ABCC3: variants seen among roughly 807,000 people sequenced by gnomAD.
The protein encoded by ABCC3 is ATP-binding cassette sub-family C member 3.
ABCC3 carries 121 observed loss-of-function variants against 165.3 expected under a neutral mutation model. The ratio of observed to expected loss-of-function variants is 0.73; its 90% CI spans 0.63 to 0.85. The LOEUF (loss-of-function observed/expected upper bound fraction) is 0.85. Among genes scored for constraint, ABCC3 ranks in the 40% least tolerant of loss-of-function variants. The pLI, the probability that ABCC3 is intolerant of heterozygous loss-of-function variation, is 0.00. For missense variants in ABCC3, 1,869 were observed against 1,964.1 expected (o/e 0.95, Z 0.92); for synonymous variants, 733 against 810.1 (o/e 0.90, Z 1.62).
At chr17:50,655,708 C>A in intron 1 of ABCC3, 124 bp from the exon 2 acceptor site, 1 of 839,646 alleles carries the variant, frequency 1.2e-6, no homozygotes, top group Non-Finnish European at 1.9e-6. Flanking sequence ...CTCTCTCCTC[C>A]TCACCTGTCT....
intron 19 of ABCC3, among the ~76,000 whole-genome samples, chr17:50,675,021 A>G (rs1967769862): frequency 2.0e-5 from 3 of 151,830 alleles, no homozygotes; most frequent in Admixed American, 2.0e-4. Context: ...GCTGGTCTCG[A>G]TCTCCTGACC....
In ABCC3 at chr17:50,675,462, G is replaced by A. The variant is rs746834194; in HGVS notation, c.2700G>A (p.Gln900=). 5 of 1,613,590 alleles carry A rather than the reference G, an allele frequency of 3.1e-6. No homozygotes were observed. In the South Asian group the frequency reaches 5.5e-5, roughly 18 times the overall value. The stretch of plus-strand genomic sequence containing the variant: ...ATGATCCAGTCACCTATGTGGTCCA[G>A]AAGCAGTTTATGAGGTGAGTTCCTG... ...TDNDPVTYVV[Q]KQFMRQLSAL... is the part of the protein sequence containing the mutation. Residue 900 remains glutamine (Q), a synonymous_variant, in exon 20 of 31, where the codon CAG becomes CAA. Transcript: ENST00000285238.
intron 1 of ABCC3, among the ~76,000 whole-genome samples, chr17:50,650,708 A>T (rs954491068): frequency 2.6e-5 from 4 of 152,004 alleles, no homozygotes; most frequent in Admixed American, 2.6e-4. Flanking sequence ...CCTTCCTTGT[A>T]TATTTTCATA....
chr17:50,673,095 T>A lies in ABCC3; in HGVS notation c.2366T>A (p.Ile789Asn), dbSNP rs1034006668. The A allele has an allele frequency of 1.2e-6, 2 of 1,614,072 alleles. No individual in the cohort carries two copies. The highest frequency in any genetic ancestry group is 2.7e-5 in the African/African-American group (2 of 75,000). ...SAVDSHVAKH[I>N]FDHVIGPEGV... is the part of the protein sequence containing the mutation. The stretch of plus-strand genomic sequence containing the variant: ...GTGGACTCTCATGTGGCCAAGCACA[T>A]CTTTGACCACGTCATCGGGCCAGAA... Residue 789 changes from isoleucine to asparagine, a missense_variant, in exon 18 of 31, where the codon ATC becomes AAC. Coordinates refer to ENST00000285238, the MANE Select transcript of ABCC3 (RefSeq NM_003786.4).
chr17:50,674,028 CTCTCTCTCTTTCTTTCTT>C (rs1967743687), intron 19 of ABCC3, among the ~76,000 whole-genome samples: 3 of 30,330 alleles, frequency 9.9e-5, no homozygotes, highest in African/African-American at 7.9e-4. Flanking sequence ...CTCTCTCTCT[CTCTCTCTCTTTCTTTCTT>C]TCTTTCTTTC....
chr17:50,667,854 G>A lies in ABCC3; in HGVS notation c.1636-9G>A, dbSNP rs370374646. The A allele has an allele frequency of 6.9e-5, 111 of 1,613,706 alleles. No homozygotes were observed. The highest frequency in any genetic ancestry group is 8.3e-5 in the Non-Finnish European group (98 of 1,179,844). On this transcript the variant is annotated splice_polypyrimidine_tract_variant and intron_variant, in intron 12 of 30. Coordinates refer to ENST00000285238, the MANE Select transcript of ABCC3 (RefSeq NM_003786.4). Reference sequence around the variant, plus strand: ...GACTCTACCCTGACACCACCTCCACGCTGCTCAGGTGACCCTGATCACCCT... The same window carrying A: ...GACTCTACCCTGACACCACCTCCACACTGCTCAGGTGACCCTGATCACCCT...
chr17:50,670,937 A>G (rs141135151), intron 17 of ABCC3, among the ~76,000 whole-genome samples: 2 of 152,318 alleles, frequency 1.3e-5, no homozygotes, highest in Admixed American at 1.3e-4. Context: ...CTTTTTAACA[A>G]TTTTTAACTG....
Position 50,675,911 on chromosome 17 carries a change from C to T in ABCC3, c.2888C>T (p.Ala963Val), listed in dbSNP as rs1251708759. The change falls in exon 22 of 31, where the codon GCC becomes GTC. Residue 963 changes from alanine (A) to valine (V), a missense_variant. Transcript: ENST00000285238. The part of the protein sequence containing the change: ...TVELSVFWDY[A>V]KAVGLCTTLA... ...GAGCTCAGTGTGTTCTGGGATTATG[C>T]CAAGGCCGTGGGGCTCTGTACCACG... The T allele has an allele frequency of 1.9e-6, 3 of 1,614,134 alleles. No homozygotes were observed. The highest frequency in any genetic ancestry group is 3.3e-5 in the Admixed American group (2 of 60,030).
chr17:50,657,710 G>A (rs1967282551), intron 4 of ABCC3, among the ~76,000 whole-genome samples: 1 of 152,208 alleles, frequency 6.6e-6, no homozygotes, highest in Non-Finnish European at 1.5e-5. Flanking sequence ...AAGAACATAG[G>A]CTGTGAACAA....
At chr17:50,687,844 G>C in intron 30 of ABCC3, 114 bp downstream of exon 30, 6 of 1,135,066 alleles carry the variant, frequency 5.3e-6, no homozygotes, top group Non-Finnish European at 6.3e-6. Context: ...GGATTGCTAG[G>C]GCATGGCAGG....
chr17:50,673,533 CTGA>C lies in ABCC3; in HGVS notation c.2477_2479del (p.Asp826del), dbSNP rs1324177194. 6.2e-7 allele frequency: 1 copy of C among 1,614,188 alleles called. No homozygotes were observed. Among genetic ancestry groups the C allele is most frequent in the Admixed American group, 1.7e-5 (1 of 60,020 alleles). On this transcript the variant is annotated inframe_deletion, in exon 19 of 31. Coordinates refer to ENST00000285238, the MANE Select transcript of ABCC3 (RefSeq NM_003786.4). ...CAGACAGACTTCATCATTGTGCTAG[CTGA>C]TGGACAGGTGTCTGAGATGGGCCCG...
chr17:50,668,383 G>A, intron 13 of ABCC3, 47 bp from the exon 14 acceptor site: 1 of 1,545,364 alleles, frequency 6.5e-7, no homozygotes, highest in Non-Finnish European at 8.9e-7. Context: ...TAGGGGTTGG[G>A]GGTTGGGAAA....
chr17:50,658,916 T>C (rs1308442177), intron 6 of ABCC3, among the ~76,000 whole-genome samples: 1 of 152,204 alleles, frequency 6.6e-6, no homozygotes, highest in Admixed American at 6.5e-5. Flanking sequence ...CACCCGAGGC[T>C]GGGGCCAAAT....
Position 50,683,750 on chromosome 17 carries a change from C to A in ABCC3, c.3948C>A (p.Gly1316=), listed in dbSNP as rs768521411. 4.4e-6 allele frequency: 7 copies of A among 1,604,460 alleles called. No homozygotes were observed. The highest frequency in any genetic ancestry group is 5.9e-6 in the Non-Finnish European group (7 of 1,176,542). Residue 1316 remains glycine, a synonymous_variant, in exon 27 of 31, where the codon GGC becomes GGA. Transcript: ENST00000285238. ...ACCTGAGTCTGCATGTGCACGGTGG[C>A]GAGAAGGTACGCGTGGGGTAGGCGG... The part of the protein sequence containing the change: ...LRDLSLHVHG[G]EKVGIVGRTG...
Position 50,679,787 on chromosome 17 carries a change from C to T in ABCC3, c.3706-11C>T, listed in dbSNP as rs1302126854. ...AGATCGCCATACGTATAACCCAGTC[C>T]CTTTGGCCAGGTGACATTTGCTCTG... On this transcript the variant is annotated splice_polypyrimidine_tract_variant and intron_variant, in intron 25 of 30. Coordinates refer to ENST00000285238, the MANE Select transcript of ABCC3 (RefSeq NM_003786.4). The T allele has an allele frequency of 9.9e-6, 16 of 1,613,084 alleles. No homozygotes were observed. The highest frequency in any genetic ancestry group is 1.7e-5 in the Admixed American group (1 of 59,986).
intron 28 of ABCC3, among the ~76,000 whole-genome samples, 196 bp downstream of exon 28, chr17:50,684,303 A>G (rs923661229): frequency 6.6e-6 from 1 of 152,164 alleles, no homozygotes; most frequent in East Asian, 1.9e-4. Flanking sequence ...TACCCTGCCC[A>G]GTCAGGCCCT....
chr17:50,656,837 GGGCCC>G lies in ABCC3; in HGVS notation c.348+11_348+15del. The G allele has an allele frequency of 2.5e-6, 4 of 1,598,480 alleles. No homozygotes were observed. The highest frequency in any genetic ancestry group is 3.4e-6 in the Non-Finnish European group (4 of 1,174,084). ...GGTGGGGGTCACCATGGTCAGTGTG[GGGCCC>G]TGGGAAAGTGGATGGGGGAGGTCTC... On this transcript the variant is annotated intron_variant, in intron 3 of 30. Coordinates refer to ENST00000285238, the MANE Select transcript of ABCC3 (RefSeq NM_003786.4).
At chr17:50,690,863 A>G (rs901173936) in intron 30 of ABCC3, among the ~76,000 whole-genome samples, 4 of 152,254 alleles carry the variant, frequency 2.6e-5, no homozygotes, top group Admixed American at 1.3e-4. Context: ...CCTGACTAGC[A>G]GAGATGAATA....
At chr17:50,685,920 G>A (rs1372324839) in intron 29 of ABCC3, among the ~76,000 whole-genome samples, 2 of 152,146 alleles carry the variant, frequency 1.3e-5, no homozygotes, top group Non-Finnish European at 2.9e-5. Context: ...ACAAGGCCAG[G>A]CACAGTGGCT....
Sources: allele counts gnomAD v4.1 joint callset (sites outside exome capture counted in the v4.1 genomes callset), GRCh38; gene constraint gnomAD v4.1.1; transcripts MANE v1.5; gene names NCBI Gene and HGNC (gene_info 2026-07-23, HGNC 2026-07-21).